The following NR3C2 variants were observed in gnomAD, a reference collection of about 807,000 sequenced individuals.
The protein encoded by NR3C2 is nuclear receptor subfamily 3 group C member 2.
Under a neutral mutation model 86.4 loss-of-function variants are expected in NR3C2, and 15 were observed. That is an observed-to-expected ratio of 0.17 (90% CI 0.12 to 0.27). The LOEUF is 0.27. Ranked by LOEUF, NR3C2 falls within the 10% of genes least tolerant of loss-of-function variation. The pLI is 1.00. For synonymous variants in NR3C2, 458 were observed against 450.5 expected, an observed-to-expected ratio of 1.02 and a Z score of -0.21; for missense variants, 960 against 1,195.6, an observed-to-expected ratio of 0.80 and a Z score of 2.91.
intron 3 of NR3C2, among the ~76,000 whole-genome samples, chr4:148,206,124 A>G (rs779330795): frequency 4.6e-5 from 7 of 152,150 alleles, no homozygotes; most frequent in Non-Finnish European, 1.0e-4. Context: ...GGGACCAGTG[A>G]AGCTCAGAAT....
rs777725032 is a variant in NR3C2, at chr4:148,436,145, G to T, written c.716C>A (p.Pro239His). ...CCTGGAGCCTCGATTTTCAACATTA[G>T]GGGAGCATGTCAGAGGAGTTCCCTG... ...ITQGTPLTCS[P>H]NVENRGSRSH... Residue 239 changes from proline (P) to histidine (H), a missense_variant, in exon 2 of 9, where the codon CCT becomes CAT. Pro to His is a moderately conservative substitution (Grantham distance 77). This residue lies in a region of NR3C2 where 680 missense variants were observed against 719.0 expected (regional missense o/e 0.95). Coordinates refer to ENST00000358102, the MANE Select transcript of NR3C2 (RefSeq NM_000901.5). 5 of 1,614,178 alleles carry T rather than the reference G, an allele frequency of 3.1e-6. No individual in the cohort carries two copies. The Admixed American group carries it at 8.3e-5, about 27-fold the overall frequency.
chr4:148,183,907 T>C (rs1009600601), intron 4 of NR3C2, among the ~76,000 whole-genome samples: 6 of 152,100 alleles, frequency 3.9e-5, no homozygotes, highest in African/African-American at 1.2e-4. Flanking sequence ...AAACCAGTAA[T>C]GCTCCATGGC....
chr4:148,351,591 T>C (rs903025308), intron 2 of NR3C2, among the ~76,000 whole-genome samples: 1 of 152,212 alleles, frequency 6.6e-6, no homozygotes, highest in Admixed American at 6.5e-5. Context: ...CCAGGCCTCA[T>C]GGCTTAGTAA....
chr4:148,236,381 G>T (rs1405704774), intron 3 of NR3C2, among the ~76,000 whole-genome samples: 4 of 152,116 alleles, frequency 2.6e-5, no homozygotes, highest in Non-Finnish European at 5.9e-5. Flanking sequence ...AATGGAAAAA[G>T]AAAAGTTGAT....
chr4:148,438,589 C>G (rs1750186115), intron 1 of NR3C2, among the ~76,000 whole-genome samples: 1 of 151,906 alleles, frequency 6.6e-6, no homozygotes, highest in Admixed American at 6.6e-5. Context: ...TCCACCCTGC[C>G]TACCTTCCCT....
At chr4:148,357,404 T>C (rs1745600067) in intron 2 of NR3C2, among the ~76,000 whole-genome samples, 1 of 152,156 alleles carries the variant, frequency 6.6e-6, no homozygotes, top group African/African-American at 2.4e-5. Context: ...AGTCAGAGAA[T>C]CAGATTCCTT....
At chr4:148,225,676 A>C (rs1738119754) in intron 3 of NR3C2, among the ~76,000 whole-genome samples, 1 of 152,174 alleles carries the variant, frequency 6.6e-6, no homozygotes, top group African/African-American at 2.4e-5. Context: ...TCTCTTCTGT[A>C]CTAGTAATGG....
chr4:148,283,760 T>C (rs1741370657), intron 2 of NR3C2, among the ~76,000 whole-genome samples: 1 of 152,252 alleles, frequency 6.6e-6, no homozygotes, highest in African/African-American at 2.4e-5. Context: ...AATTCATAAA[T>C]GCTGCTTAGG....
At chr4:148,228,549 A>G (rs997101553) in intron 3 of NR3C2, among the ~76,000 whole-genome samples, 2 of 152,186 alleles carry the variant, frequency 1.3e-5, no homozygotes, top group African/African-American at 4.8e-5. Context: ...TATCTCCATT[A>G]CATATTATGG....
At chr4:148,326,013 CTT>C (rs1373669810) in intron 2 of NR3C2, among the ~76,000 whole-genome samples, 1 of 152,104 alleles carries the variant, frequency 6.6e-6, no homozygotes, top group Non-Finnish European at 1.5e-5. Context: ...TAATTGCTAA[CTT>C]ATTATTCAAT....
intron 2 of NR3C2, 72 bp downstream of exon 2, chr4:148,435,032 C>G: frequency 7.2e-7 from 1 of 1,391,686 alleles, no homozygotes; most frequent in Non-Finnish European, 1.0e-6. Flanking sequence ...AATTTATCAA[C>G]TGTAAAGATA....
chr4:148,217,013 A>G (rs1302819626), intron 3 of NR3C2, among the ~76,000 whole-genome samples: 2 of 152,266 alleles, frequency 1.3e-5, no homozygotes, highest in Non-Finnish European at 2.9e-5. Context: ...ACTGAAAGTT[A>G]AATTATATCA....
intron 2 of NR3C2, among the ~76,000 whole-genome samples, chr4:148,343,445 G>A (rs143207546): frequency 1.6e-4 from 24 of 150,090 alleles, no homozygotes; most frequent in African/African-American, 4.2e-4. Flanking sequence ...AACTTCAAGG[G>A]CAGAGAGGTT....
At chr4:148,431,130 C>A (rs1030683739) in intron 2 of NR3C2, among the ~76,000 whole-genome samples, 2 of 151,980 alleles carry the variant, frequency 1.3e-5, no homozygotes, top group Non-Finnish European at 2.9e-5. Flanking sequence ...ATAAGAAGAA[C>A]AAGGAATTCA....
intron 2 of NR3C2, among the ~76,000 whole-genome samples, chr4:148,420,952 C>A (rs1749252456): frequency 6.6e-6 from 1 of 152,190 alleles, no homozygotes; most frequent in South Asian, 2.1e-4. Context: ...TCCTGTACAG[C>A]CTGCAGAAGT....
At chr4:148,200,522 T>G (rs1416207075) in intron 3 of NR3C2, among the ~76,000 whole-genome samples, 2 of 152,220 alleles carry the variant, frequency 1.3e-5, no homozygotes, top group African/African-American at 2.4e-5. Context: ...GTCTTCTGTG[T>G]CCCATCTATA....
At chr4:148,338,972 T>A (rs1035249139) in intron 2 of NR3C2, among the ~76,000 whole-genome samples, 9 of 152,022 alleles carry the variant, frequency 5.9e-5, no homozygotes, top group Non-Finnish European at 1.0e-4. Flanking sequence ...GAAAAAAAAA[T>A]TTAATTTTAA....
intron 2 of NR3C2, among the ~76,000 whole-genome samples, chr4:148,260,638 T>C (rs1463104238): frequency 6.6e-6 from 1 of 152,236 alleles, no homozygotes; most frequent in Non-Finnish European, 1.5e-5. Context: ...TTTATCCCTC[T>C]AAGCTCCCGC....
At chr4:148,369,084 A>G (rs917363403) in intron 2 of NR3C2, among the ~76,000 whole-genome samples, 6 of 152,212 alleles carry the variant, frequency 3.9e-5, no homozygotes, top group Non-Finnish European at 8.8e-5. Context: ...AATTCCTGGG[A>G]AGAAGTGGGG....
Sources: allele counts gnomAD v4.1 joint callset (sites outside exome capture counted in the v4.1 genomes callset), GRCh38; gene constraint gnomAD v4.1.1; regional missense constraint gnomAD v4.1.1; transcripts MANE v1.5; gene names NCBI Gene and HGNC (gene_info 2026-07-23, HGNC 2026-07-21).